The following CCDC191 variants were observed in gnomAD, a reference collection of about 807,000 sequenced individuals.
CCDC191 encodes coiled-coil domain containing 191.
In CCDC191, 99 loss-of-function variants were observed where a neutral mutation model predicts 114.0. That is an observed-to-expected ratio of 0.87 (90% CI 0.74 to 1.03). CCDC191 has a LOEUF of 1.03. Ranked by LOEUF, CCDC191 falls within the 50% of genes least tolerant of loss-of-function variation. The pLI, the probability that CCDC191 is intolerant of heterozygous loss-of-function variation, is 0.00. For synonymous variants in CCDC191, 351 were observed against 376.0 expected (o/e 0.93, Z 0.77); for missense variants, 973 against 1,087.0 (o/e 0.90, Z 1.47).
At chr3:113,981,578 AGTC>A (rs1272839056) in intron 13 of CCDC191, among the ~76,000 whole-genome samples, 1 of 152,204 alleles carries the variant, frequency 6.6e-6, no homozygotes, top group Non-Finnish European at 1.5e-5. Flanking sequence ...CTGCTTTCAT[AGTC>A]GTCATCTTTG....
chr3:114,006,610 AT>A lies in CCDC191; in HGVS notation c.1414-649del, dbSNP rs1559903213. ...CAGATATATATATATATATATATAT[AT>A]ATATATAAATATATATATTTTATAT... is the stretch of plus-strand genomic sequence containing the variant. On this transcript the variant is annotated intron_variant, in intron 9 of 16. Transcript: ENST00000295878. 7.2e-3 allele frequency among the ~76,000 whole-genome samples: 925 copies of A among 128,324 alleles called. 24 individuals carry two copies. Among genetic ancestry groups the A allele is most frequent in the African/African-American group, 0.021 (714 of 33,372 alleles). The allele number at this position is 128,324 out of a possible 152,430, so 84.2% of individuals were successfully genotyped here.
At chr3:114,055,340 C>T (rs547920186) in intron 1 of CCDC191, among the ~76,000 whole-genome samples, 1 of 152,326 alleles carries the variant, frequency 6.6e-6, no homozygotes, top group East Asian at 1.9e-4. Context: ...AAGTCCATAT[C>T]TATATCCTAT....
In CCDC191 at chr3:114,036,608, C is replaced by G. The variant is rs1336771262; in HGVS notation, c.594G>C (p.Gln198His). The G allele has an allele frequency of 1.9e-6, 3 of 1,577,030 alleles. No homozygotes were observed. Among genetic ancestry groups the G allele is most frequent in the African/African-American group, 1.4e-5 (1 of 72,864 alleles). Residue 198 changes from glutamine (Q) to histidine (H), a missense_variant and splice_region_variant, in exon 5 of 17, where the codon CAG (glutamine) becomes CAC (histidine). Coordinates refer to ENST00000295878, the MANE Select transcript of CCDC191 (RefSeq NM_020817.2). ...TTTTAATTTTGTTTTTCCCTCCCACCTGCTTATGTCTCATCTCCATGGTAA... is the reference window on the plus strand; with the variant it reads ...TTTTAATTTTGTTTTTCCCTCCCACGTGCTTATGTCTCATCTCCATGGTAA... Reference protein sequence around the residue: ...PRLTMEMRHKQVKENRLRREK... With the variant: ...PRLTMEMRHKHVKENRLRREK...
Position 113,965,300 on chromosome 3 carries a change from T to C in CCDC191, c.2666A>G (p.Glu889Gly). 6.2e-7 allele frequency: 1 copy of C among 1,611,396 alleles called. No individual in the cohort carries two copies. The highest frequency in any genetic ancestry group is 1.1e-5 in the South Asian group (1 of 90,528). Residue 889 changes from glutamate (E) to glycine (G), a missense_variant, in exon 17 of 17, where the codon GAA (glutamate) becomes GGA (glycine). Transcript: ENST00000295878. ...WKKFVKFMKE[E>G]RVKEERRQQL... is the part of the protein sequence containing the mutation. ...CTGTCGCCTTTCTTCTTTTACTCTT[T>C]CCTCTTTCATAAATTTTACAAACTT...
Position 114,046,669 on chromosome 3 carries a change from G to C in CCDC191, c.193C>G (p.Pro65Ala), listed in dbSNP as rs760515647. ...NAFFTRNSDL[P>A]RSPWGQITDL... The stretch of plus-strand genomic sequence containing the variant: ...GTGATTTGGCCCCAGGGACTTCTAG[G>C]TAAATCTGAATTTCTAGTAAAAAAT... Residue 65 changes from proline (P) to alanine (A), a missense_variant, in exon 3 of 17, where the codon CCT becomes GCT. Coordinates refer to ENST00000295878, the MANE Select transcript of CCDC191 (RefSeq NM_020817.2). 6.2e-7 allele frequency: 1 copy of C among 1,612,308 alleles called. No individual in the cohort carries two copies. Among genetic ancestry groups the C allele is most frequent in the East Asian group, 2.2e-5 (1 of 44,786 alleles).
chr3:114,045,326 TTCTC>T (rs1039823863), intron 3 of CCDC191, among the ~76,000 whole-genome samples: 5 of 152,130 alleles, frequency 3.3e-5, no homozygotes, highest in African/African-American at 1.2e-4. Flanking sequence ...GGTTGCCCTT[TTCTC>T]TCTTTTTCTC....
chr3:113,993,112 T>A (rs1398938373), intron 13 of CCDC191, among the ~76,000 whole-genome samples: 1 of 152,020 alleles, frequency 6.6e-6, no homozygotes. Context: ...CACCCTTGCA[T>A]GATAAAAAAA....
chr3:114,008,156 G>A (rs1392789825), intron 9 of CCDC191, among the ~76,000 whole-genome samples: 2 of 144,998 alleles, frequency 1.4e-5, no homozygotes, highest in Non-Finnish European at 3.0e-5. Context: ...GTTTTGCACA[G>A]GTAAAAAATA....
chr3:113,965,359 C>T lies in CCDC191; in HGVS notation c.2607G>A (p.Arg869=). 3 of 1,544,142 alleles carry T rather than the reference C, an allele frequency of 1.9e-6. No homozygotes were observed. Among genetic ancestry groups the T allele is most frequent in the Non-Finnish European group, 2.6e-6 (3 of 1,145,434 alleles). Residue 869 remains arginine (R), a splice_region_variant and synonymous_variant, in exon 17 of 17, where the codon AGG becomes AGA. Coordinates refer to ENST00000295878, the MANE Select transcript of CCDC191 (RefSeq NM_020817.2). ...KHEIAAEHSD[R]RILWITLRTW... ...TCCGAAGGGTGATCCAGAGGATCCT[C>T]CTTTAAGAATAAAGAAGGAAAAAAG...
At chr3:113,994,096 T>G (rs1276135753) in intron 13 of CCDC191, among the ~76,000 whole-genome samples, 1 of 152,206 alleles carries the variant, frequency 6.6e-6, no homozygotes, top group Non-Finnish European at 1.5e-5. Flanking sequence ...GTGAATGACA[T>G]TGTTAAGTGA....
chr3:114,039,948 A>C (rs2076538668), intron 4 of CCDC191, among the ~76,000 whole-genome samples: 3 of 152,334 alleles, frequency 2.0e-5, no homozygotes, highest in Non-Finnish European at 4.4e-5. Flanking sequence ...TTTTAAGTCT[A>C]CAGTAGCGTA....
chr3:114,004,866 T>G (rs1042651365), intron 10 of CCDC191, 120 bp from the exon 11 acceptor site: 1 of 1,025,822 alleles, frequency 9.7e-7, no homozygotes, highest in African/African-American at 1.6e-5. Context: ...CTGAGATAAC[T>G]ACATATTATA....
At chr3:114,050,564 G>A (rs1163999335) in intron 2 of CCDC191, among the ~76,000 whole-genome samples, 3 of 152,196 alleles carry the variant, frequency 2.0e-5, no homozygotes, top group South Asian at 4.1e-4. Context: ...ACAAGGGAAG[G>A]ATCTGGATTG....
intron 13 of CCDC191, among the ~76,000 whole-genome samples, chr3:113,998,071 C>T (rs1175053862): frequency 1.3e-5 from 2 of 151,446 alleles, no homozygotes; most frequent in Non-Finnish European, 2.9e-5. Flanking sequence ...TTTGGGAGGC[C>T]GAGGCAGGCG....
chr3:114,023,224 G>C (rs914385002), intron 7 of CCDC191, among the ~76,000 whole-genome samples: 71 of 152,144 alleles, frequency 4.7e-4, no homozygotes, highest in Admixed American at 8.5e-4. Flanking sequence ...ACAAATGGAA[G>C]AACATTCCAT....
At chr3:114,055,107 C>A (rs1013570266) in intron 1 of CCDC191, among the ~76,000 whole-genome samples, 1 of 152,156 alleles carries the variant, frequency 6.6e-6, no homozygotes, top group African/African-American at 2.4e-5. Context: ...TTACCTAACA[C>A]TTTACCTTCA....
chr3:113,975,185 T>TATAA (rs1246892782), intron 16 of CCDC191, among the ~76,000 whole-genome samples: 1 of 152,216 alleles, frequency 6.6e-6, no homozygotes, highest in African/African-American at 2.4e-5. Flanking sequence ...TCAGACATAT[T>TATAA]ATAAATACTG....
intron 5 of CCDC191, among the ~76,000 whole-genome samples, chr3:114,036,293 A>C (rs2076481974): frequency 6.6e-6 from 1 of 152,178 alleles, no homozygotes; most frequent in African/African-American, 2.4e-5. Flanking sequence ...AACCAAACTC[A>C]AGCACACACA....
At position 114,056,434 on chromosome 3, in the gene CCDC191, T is replaced by C; in HGVS notation, c.33A>G (p.Ser11=). 1.9e-6 allele frequency: 3 copies of C among 1,614,132 alleles called. No individual in the cohort carries two copies. Among genetic ancestry groups the C allele is most frequent in the East Asian group, 2.2e-5 (1 of 44,878 alleles). The change falls in exon 1 of 17, where the codon TCA becomes TCG. Residue 11 remains serine, a synonymous_variant. Coordinates refer to ENST00000295878, the MANE Select transcript of CCDC191 (RefSeq NM_020817.2). MLLAPQGRSF[S]KKRMGLNRWK... ...AGCGATTCAGCCCCATCCTTTTCTT[T>C]GAGAAGGACCTTCCCTGAGGCGCCA...
Sources: gnomAD v4.1 joint callset for allele counts (sites outside exome capture counted in the v4.1 genomes callset) on GRCh38, gnomAD v4.1.1 for gene constraint, MANE v1.5 for transcripts, NCBI Gene and HGNC (gene_info 2026-07-23, HGNC 2026-07-21) for gene names.